The following FNTB variants were observed in gnomAD, a reference collection of about 807,000 sequenced individuals.
The protein encoded by FNTB is protein farnesyltransferase subunit beta.
A neutral mutation model predicts 59.4 loss-of-function variants in FNTB; 27 were observed. The observed-to-expected ratio is 0.45, with a 90% confidence interval of 0.34 to 0.63. The LOEUF is 0.63. Ranked by LOEUF, FNTB falls within the 20% of genes least tolerant of loss-of-function variation. FNTB has a pLI of 0.02. For missense variants in FNTB, 449 were observed against 559.6 expected, an observed-to-expected ratio of 0.80 and a Z score of 1.99; for synonymous variants, 230 against 220.7, an observed-to-expected ratio of 1.04 and a Z score of -0.37.
chr14:65,005,965 TG>T (rs1180306128), intron 2 of FNTB, among the ~76,000 whole-genome samples: 1 of 152,078 alleles, frequency 6.6e-6, no homozygotes, highest in Non-Finnish European at 1.5e-5. Flanking sequence ...CTGAACAAAG[TG>T]TGGTTAGGTC....
chr14:65,027,868 G>A lies in FNTB; in HGVS notation c.605+87G>A. 3 of 1,554,102 alleles carry A rather than the reference G, an allele frequency of 1.9e-6. No individual in the cohort carries two copies. In the South Asian group the frequency reaches 3.4e-5, roughly 18 times the overall value. The stretch of plus-strand genomic sequence containing the variant: ...GATGCCAAGCCTAAGGAACATCATG[G>A]GGAAGCTGCTGCTTTGTCCCAGAAT... On this transcript the variant is annotated intron_variant, in intron 6 of 11. Transcript: ENST00000246166. This position sits in a 1 kb window ranked among gnomAD's most constrained non-coding sequence, Gnocchi z 5.7.
chr14:65,006,971 G>A (rs559592371), intron 2 of FNTB, among the ~76,000 whole-genome samples: 42 of 152,122 alleles, frequency 2.8e-4, no homozygotes, highest in Non-Finnish European at 5.6e-4. Context: ...TCCTGGGCTC[G>A]GATCCTTGTG....
At chr14:64,996,612 C>T (rs1888405412) in intron 1 of FNTB, among the ~76,000 whole-genome samples, 1 of 152,074 alleles carries the variant, frequency 6.6e-6, no homozygotes, top group Admixed American at 6.6e-5. Context: ...TTGTGGCCTG[C>T]CTATCTAAGT....
intron 4 of FNTB, among the ~76,000 whole-genome samples, chr14:65,026,057 T>G (rs1232193651): frequency 6.6e-6 from 1 of 152,230 alleles, no homozygotes; most frequent in Non-Finnish European, 1.5e-5. Context: ...AACTTGTGTC[T>G]TCTTGGAGAG....
chr14:65,042,510 C>T (rs2062375749), intron 8 of FNTB, among the ~76,000 whole-genome samples: 1 of 152,142 alleles, frequency 6.6e-6, no homozygotes, highest in South Asian at 2.1e-4. Context: ...AAGTGGAGCT[C>T]AGGCAGTAAT....
chr14:65,059,318 C>T (rs2062810079), intron 11 of FNTB, among the ~76,000 whole-genome samples: 1 of 151,978 alleles, frequency 6.6e-6, no homozygotes, highest in South Asian at 2.1e-4. Context: ...TTGTACCTGG[C>T]CCCCGCACTA....
At position 65,037,427 on chromosome 14, in the gene FNTB, T is replaced by C. The variant is rs1276273144; in HGVS notation, c.693-3363T>C. On this transcript the variant is annotated intron_variant, in intron 7 of 11. Coordinates refer to ENST00000246166, the MANE Select transcript of FNTB (RefSeq NM_002028.4). The stretch of plus-strand genomic sequence containing the variant: ...CCTTTTTTTTTTTTTTTTTTTTTTT[T>C]TTTTTTTTTTTTTTTTTTTGAGACG... Among the ~76,000 whole-genome samples the C allele has an allele frequency of 1.8e-4, 21 of 115,842 alleles. 1 individual carries two copies. Among genetic ancestry groups the C allele is most frequent in the Non-Finnish European group, 2.8e-4 (16 of 57,458 alleles). 76.0% of individuals were successfully genotyped at this position (115,842 alleles called of 152,430 possible).
At position 65,011,426 on chromosome 14, in the gene FNTB, C is replaced by G. The variant is rs112550962; in HGVS notation, c.210-891C>G. 0.012 allele frequency among the ~76,000 whole-genome samples: 1,471 copies of G among 125,372 alleles called. 23 individuals are homozygous for G. Among genetic ancestry groups the G allele is most frequent in the East Asian group, 0.1 (394 of 3,898 alleles). 82.2% of individuals were successfully genotyped at this position (125,372 alleles called of 152,430 possible). A position where few individuals can be genotyped will look rare whatever the true frequency, so the allele number is the denominator to read the frequency against. ...CCTGGGTGACAGAGCGAGACTCCGT[C>G]TCAGGAAAAAAAAAAAAAAAAAAAA... On this transcript the variant is annotated intron_variant, in intron 2 of 11. Coordinates refer to ENST00000246166, the MANE Select transcript of FNTB (RefSeq NM_002028.4). This position sits in a 1 kb window ranked among gnomAD's most constrained non-coding sequence, Gnocchi z 4.0.
At chr14:65,006,116 A>G in intron 2 of FNTB, 1 of 1,593,338 alleles carries the variant, frequency 6.3e-7, no homozygotes, top group Non-Finnish European at 8.5e-7. Context: ...GCTTACTGGA[A>G]CATTATAAAT....
chr14:65,011,744 C>T lies in FNTB; in HGVS notation c.210-573C>T, dbSNP rs1305970813. On this transcript the variant is annotated intron_variant, in intron 2 of 11. Transcript: ENST00000246166. The surrounding 1 kb of genome is among the most constrained non-coding windows in gnomAD (Gnocchi z 4.0). ...TTGCTGACTTGAAAGCCAAGGACAG[C>T]GACTGGCTGCAGAACACGGTCCTCT... Among the ~76,000 whole-genome samples the T allele has an allele frequency of 4.6e-5, 7 of 152,174 alleles. No individual in the cohort carries two copies. Among genetic ancestry groups the T allele is most frequent in the African/African-American group, 7.2e-5 (3 of 41,444 alleles).
rs746813710 is a variant in FNTB at position 65,044,286 on chromosome 14, G to T, written c.823-25G>T. 6.2e-7 allele frequency: 1 copy of T among 1,611,644 alleles called. No individual in the cohort carries two copies. Among genetic ancestry groups the T allele is most frequent in the Admixed American group, 1.7e-5 (1 of 59,510 alleles). Reference sequence around the variant, plus strand: ...ATTTTGTCTCTTTTAGCCTACAACTGCCTTTCCCATCTGTGTCTCCTCAGC... The same window carrying T: ...ATTTTGTCTCTTTTAGCCTACAACTTCCTTTCCCATCTGTGTCTCCTCAGC... On this transcript the variant is annotated intron_variant, in intron 8 of 11. Coordinates refer to ENST00000246166, the MANE Select transcript of FNTB (RefSeq NM_002028.4). This position sits in a 1 kb window ranked among gnomAD's most constrained non-coding sequence, Gnocchi z 5.5.
At chr14:65,033,535 T>C (rs532269033) in intron 7 of FNTB, among the ~76,000 whole-genome samples, 2 of 152,308 alleles carry the variant, frequency 1.3e-5, no homozygotes, top group African/African-American at 4.8e-5. Flanking sequence ...TTTGCTGTAC[T>C]TTCCTGGATG....
chr14:64,993,578 T>G (rs1888283626), intron 1 of FNTB, among the ~76,000 whole-genome samples: 1 of 152,268 alleles, frequency 6.6e-6, no homozygotes, highest in African/African-American at 2.4e-5. Flanking sequence ...TCTTGCCTTA[T>G]ATTTCATATA....
intron 9 of FNTB, among the ~76,000 whole-genome samples, chr14:65,046,566 G>A (rs948107206): frequency 6.6e-6 from 1 of 152,166 alleles, no homozygotes; most frequent in African/African-American, 2.4e-5. Flanking sequence ...ATGAATCTTG[G>A]TGCTTCCAGC....
intron 2 of FNTB, among the ~76,000 whole-genome samples, chr14:65,008,882 C>T (rs888011662): frequency 6.6e-6 from 1 of 152,194 alleles, no homozygotes; most frequent in Admixed American, 6.5e-5. Context: ...CAGTGGAAAC[C>T]TGACTTCCCA....
At chr14:65,052,516 C>T (rs1021370514) in intron 9 of FNTB, among the ~76,000 whole-genome samples, 1 of 152,058 alleles carries the variant, frequency 6.6e-6, no homozygotes. Flanking sequence ...CACACCTGTC[C>T]GTGATTTGTC....
In FNTB at chr14:65,014,434, G is replaced by T. The variant is rs115850415; in HGVS notation, c.283-1191G>T. 4.4e-3 allele frequency among the ~76,000 whole-genome samples: 670 copies of T among 152,270 alleles called. 8 individuals carry two copies. The highest frequency in any genetic ancestry group is 0.016 in the African/African-American group (651 of 41,544). On this transcript the variant is annotated intron_variant, in intron 3 of 11. Transcript: ENST00000246166. This position sits in a 1 kb window ranked among gnomAD's most constrained non-coding sequence, Gnocchi z 5.1. ...GGTATATGTACACGTGTTGGTTCCA[G>T]AAAGACATGAGGTAACTTATATGTC...
Position 65,044,617 on chromosome 14 carries a change from T to G in FNTB, c.955+174T>G. 1 of 958,946 alleles carries G rather than the reference T, an allele frequency of 1.0e-6. No individual in the cohort carries two copies. Among genetic ancestry groups the G allele is most frequent in the Non-Finnish European group, 1.5e-6 (1 of 688,470 alleles). The allele number at this position is 958,946 out of a possible 1,614,324, so 59.4% of individuals were successfully genotyped here. On this transcript the variant is annotated intron_variant, in intron 9 of 11. Coordinates refer to ENST00000246166, the MANE Select transcript of FNTB (RefSeq NM_002028.4). This position sits in a 1 kb window ranked among gnomAD's most constrained non-coding sequence, Gnocchi z 5.5. ...GGGCATGCGAATGCAGAGTAAGATTTAGTTTCATTGGTTTAGTGTCATTCT... is the reference window on the plus strand; with the variant it reads ...GGGCATGCGAATGCAGAGTAAGATTGAGTTTCATTGGTTTAGTGTCATTCT...
intron 8 of FNTB, among the ~76,000 whole-genome samples, chr14:65,042,629 C>G (rs2062377571): frequency 6.6e-6 from 1 of 152,218 alleles, no homozygotes; most frequent in African/African-American, 2.4e-5. Context: ...GACCCCTGCT[C>G]TAATCCAGAC....
Sources: allele counts gnomAD v4.1 joint callset (sites outside exome capture counted in the v4.1 genomes callset), GRCh38; gene constraint gnomAD v4.1.1; non-coding constraint Gnocchi (gnomAD v3.1); transcripts MANE v1.5; gene names NCBI Gene and HGNC (gene_info 2026-07-23, HGNC 2026-07-21).